PLCG2: variants seen among roughly 807,000 people sequenced by gnomAD.
The protein encoded by PLCG2 is phospholipase C gamma 2.
PLCG2 carries 69 observed loss-of-function variants against 175.6 expected under a neutral mutation model. That is an observed-to-expected ratio of 0.39 (90% CI 0.32 to 0.48). The LOEUF (loss-of-function observed/expected upper bound fraction) is 0.48, where lower values mean the gene tolerates loss of function less well. PLCG2 is among the 20% of genes least tolerant of loss of function. PLCG2 has a pLI of 0.91. For synonymous variants in PLCG2, 827 were observed against 624.0 expected, an observed-to-expected ratio of 1.33 and a Z score of -4.85; for missense variants, 1,798 against 1,650.9, an observed-to-expected ratio of 1.09 and a Z score of -1.54.
intron 2 of PLCG2, among the ~76,000 whole-genome samples, chr16:81,770,643 G>A (rs1471415166): frequency 6.6e-6 from 1 of 151,966 alleles, no homozygotes; most frequent in African/African-American, 2.4e-5. Flanking sequence ...TGAGCCCGGC[G>A]GAGAGGGCAG....
chr16:81,752,079 G>A (rs1289141918), intron 1 of PLCG2, among the ~76,000 whole-genome samples: 1 of 151,810 alleles, frequency 6.6e-6, no homozygotes, highest in African/African-American at 2.4e-5. Context: ...AAAGAGCTAG[G>A]ATTTGAACCT....
intron 2 of PLCG2, among the ~76,000 whole-genome samples, chr16:81,758,465 T>C (rs190200001): frequency 1.3e-5 from 2 of 152,340 alleles, no homozygotes; most frequent in East Asian, 3.9e-4. Flanking sequence ...TTAACATTTA[T>C]GTGTAAGTGT....
intron 1 of PLCG2, among the ~76,000 whole-genome samples, chr16:81,755,236 A>C (rs1201258826): frequency 6.6e-6 from 1 of 151,920 alleles, no homozygotes; most frequent in Non-Finnish European, 1.5e-5. Context: ...TCACTCTGTC[A>C]CCCAGGCTGG....
rs1327269467 is a variant in PLCG2 at position 81,893,731 on chromosome 16, C to A, written c.1009C>A (p.Arg337=). The A allele has an allele frequency of 2.5e-6, 4 of 1,611,626 alleles. No homozygotes were observed. The highest frequency in any genetic ancestry group is 2.5e-6 in the Non-Finnish European group (3 of 1,178,898). Reference sequence around the variant, plus strand: ...CAGGTACCTTACAGGTGACCAGCTGCGGAGCGAGTCGTCCCCAGAAGCTTA... The same window carrying A: ...CAGGTACCTTACAGGTGACCAGCTGAGGAGCGAGTCGTCCCCAGAAGCTTA... ...HNTYLTGDQL[R]SESSPEAYIR... Residue 337 remains arginine, a synonymous_variant, in exon 12 of 33, where the codon CGG becomes AGG. Coordinates refer to ENST00000564138, the MANE Select transcript of PLCG2 (RefSeq NM_002661.5).
chr16:81,802,501 A>T (rs987211475), intron 2 of PLCG2, among the ~76,000 whole-genome samples: 1 of 152,080 alleles, frequency 6.6e-6, no homozygotes, highest in Non-Finnish European at 1.5e-5. Flanking sequence ...GTGATATTGA[A>T]TGTGTAACTG....
At chr16:81,856,328 C>G (rs1240331429) in intron 3 of PLCG2, among the ~76,000 whole-genome samples, 2 of 152,176 alleles carry the variant, frequency 1.3e-5, no homozygotes, top group Non-Finnish European at 2.9e-5. Flanking sequence ...TGAGATGAGG[C>G]ACAGAGTAGG....
chr16:81,752,337 G>C (rs1022894535), intron 1 of PLCG2, among the ~76,000 whole-genome samples: 5 of 152,290 alleles, frequency 3.3e-5, no homozygotes, highest in African/African-American at 1.2e-4. Context: ...AGAAGTACCC[G>C]GCCAGCTCCT....
At chr16:81,900,139 A>T (rs912117428) in intron 13 of PLCG2, among the ~76,000 whole-genome samples, 1 of 152,242 alleles carries the variant, frequency 6.6e-6, no homozygotes, top group African/African-American at 2.4e-5. Context: ...GTGCATATGA[A>T]TGAGAATATA....
intron 2 of PLCG2, among the ~76,000 whole-genome samples, chr16:81,828,235 ATTTTT>A (rs67992648): frequency 3.4e-5 from 2 of 59,372 alleles, no homozygotes; most frequent in African/African-American, 6.8e-5. Context: ...GAGAAATGTC[ATTTTT>A]TTTTTTTTTT....
intron 14 of PLCG2, among the ~76,000 whole-genome samples, chr16:81,904,200 T>A (rs189256988): frequency 6.6e-6 from 1 of 152,314 alleles, no homozygotes; most frequent in Non-Finnish European, 1.5e-5. Flanking sequence ...CCTGCTTCAC[T>A]GTTGACACTT....
intron 1 of PLCG2, among the ~76,000 whole-genome samples, chr16:81,752,077 A>G (rs549276222): frequency 1.8e-4 from 27 of 152,044 alleles, no homozygotes; most frequent in Admixed American, 8.5e-4. Context: ...TAAAAGAGCT[A>G]GGATTTGAAC....
intron 30 of PLCG2, among the ~76,000 whole-genome samples, chr16:81,944,334 G>T (rs967429593): frequency 1.3e-5 from 2 of 150,654 alleles, no homozygotes; most frequent in East Asian, 2.1e-4. Context: ...AACATATGCA[G>T]ACTTTTTTCT....
At chr16:81,845,490 A>G (rs8048389) in intron 2 of PLCG2, among the ~76,000 whole-genome samples, 3,755 of 152,318 alleles carry the variant, frequency 0.025, 150 homozygotes, top group African/African-American at 0.083. Flanking sequence ...TTACTGTCCA[A>G]AGCTATCTGC....
intron 7 of PLCG2, among the ~76,000 whole-genome samples, chr16:81,879,906 C>T (rs184393918): frequency 3.3e-5 from 5 of 152,230 alleles, no homozygotes; most frequent in African/African-American, 7.2e-5. Context: ...TGAAGCAGTC[C>T]GATATTTCTT....
At chr16:81,876,491 C>A (rs1304234329) in intron 7 of PLCG2, among the ~76,000 whole-genome samples, 3 of 152,192 alleles carry the variant, frequency 2.0e-5, no homozygotes, top group Non-Finnish European at 2.9e-5. Flanking sequence ...TGCCCTGGCC[C>A]CTGCTTCTGT....
At chr16:81,928,526 A>G (rs566072806) in intron 23 of PLCG2, 32 bp from the exon 24 acceptor site, 3 of 1,396,014 alleles carry the variant, frequency 2.1e-6, no homozygotes, top group South Asian at 2.3e-5. Flanking sequence ...TCCCGTTACA[A>G]CTAACGTGAG....
intron 2 of PLCG2, among the ~76,000 whole-genome samples, chr16:81,817,837 C>T (rs1032144532): frequency 6.6e-6 from 1 of 152,138 alleles, no homozygotes; most frequent in Admixed American, 6.5e-5. Flanking sequence ...ATGTCAGGCC[C>T]AGGCCAGGGT....
intron 5 of PLCG2, among the ~76,000 whole-genome samples, chr16:81,862,819 C>G (rs939648211): frequency 7.9e-5 from 12 of 152,082 alleles, no homozygotes; most frequent in African/African-American, 2.9e-4. Context: ...CTGCAGTGAA[C>G]CATGATTGTG....
intron 2 of PLCG2, among the ~76,000 whole-genome samples, chr16:81,806,770 T>C (rs1322129173): frequency 6.6e-6 from 1 of 151,876 alleles, no homozygotes; most frequent in African/African-American, 2.4e-5. Flanking sequence ...CTTGGAAAAG[T>C]TGAAGGAGTG....
Sources: allele counts gnomAD v4.1 joint callset (sites outside exome capture counted in the v4.1 genomes callset), GRCh38; gene constraint gnomAD v4.1.1; transcripts MANE v1.5; gene names NCBI Gene and HGNC (gene_info 2026-07-23, HGNC 2026-07-21).